Variants in PCDHGA4 observed in about 807,000 individuals in gnomAD.
PCDHGA4 encodes protocadherin gamma-A4.
A neutral mutation model predicts 54.6 loss-of-function variants in PCDHGA4; 38 were observed. That is an observed-to-expected ratio of 0.70 (90% confidence interval 0.54 to 0.91). PCDHGA4 has a LOEUF of 0.91. PCDHGA4 is among the 40% of genes least tolerant of loss of function. PCDHGA4 has a pLI of 0.00. For missense variants in PCDHGA4, 1,298 were observed against 1,220.9 expected, an observed-to-expected ratio of 1.06 and a Z score of -0.94; for synonymous variants, 511 against 512.9, an observed-to-expected ratio of 1.00 and a Z score of 0.05.
At chr5:141,383,533 C>T (rs2240698) in intron 1 of PCDHGA4, 21,821 of 1,612,448 alleles carry the variant, frequency 0.014, 752 homozygotes, top group East Asian at 0.14. Flanking sequence ...CCACCTGGTC[C>T]TCACAGCCTC....
Position 141,355,729 on chromosome 5 carries a change from T to G in PCDHGA4, c.622T>G (p.Tyr208Asp). ...LQGYQLNSNG[Y>D]FSLDVQSGAD... ...GGGTTACCAGCTCAACTCAAACGGT[T>G]ACTTTTCCCTGGACGTGCAAAGTGG... The change falls in exon 1 of 4, where the codon TAC becomes GAC. Residue 208 changes from tyrosine to aspartate, a missense_variant. Physicochemically the swap from Tyr to Asp is radical, Grantham distance 160. Transcript: ENST00000571252. 6.2e-7 allele frequency: 1 copy of G among 1,614,026 alleles called. No individual in the cohort carries two copies. The highest frequency in any genetic ancestry group is 8.5e-7 in the Non-Finnish European group (1 of 1,179,884).
intron 1 of PCDHGA4, chr5:141,357,859 C>G: frequency 1.7e-6 from 1 of 591,080 alleles, no homozygotes; most frequent in South Asian, 2.2e-5. Context: ...CCAGAATTTT[C>G]TAATTTTACA....
chr5:141,392,841 C>A (rs1464167244), intron 1 of PCDHGA4: 2 of 1,608,680 alleles, frequency 1.2e-6, no homozygotes, highest in Non-Finnish European at 1.7e-6. Flanking sequence ...TCGCCCCAGA[C>A]GCGGCGAGCT....
At chr5:141,443,126 A>G (rs972396091) in intron 1 of PCDHGA4, among the ~76,000 whole-genome samples, 1 of 152,190 alleles carries the variant, frequency 6.6e-6, no homozygotes, top group Non-Finnish European at 1.5e-5. Context: ...AACCAGATTA[A>G]GAACACTATC....
intron 1 of PCDHGA4, chr5:141,373,843 C>T (rs1769882527): frequency 2.3e-6 from 1 of 442,614 alleles, no homozygotes; most frequent in Non-Finnish European, 4.0e-6. Flanking sequence ...AGTTAGGACT[C>T]TAAGCGTCGC....
At chr5:141,362,323 G>C (rs745573123) in intron 1 of PCDHGA4, 1 of 1,614,082 alleles carries the variant, frequency 6.2e-7, no homozygotes, top group East Asian at 2.2e-5. Flanking sequence ...TTTTCAGCCT[G>C]GTCTCAGCTC....
chr5:141,423,678 G>A (rs1161093615), intron 1 of PCDHGA4: 3 of 1,496,158 alleles, frequency 2.0e-6, no homozygotes, highest in Non-Finnish European at 2.7e-6. Flanking sequence ...TTATTTCTCT[G>A]CCTCCTAATT....
chr5:141,471,394 G>A (rs1349459242), intron 1 of PCDHGA4: 1 of 152,056 alleles, frequency 6.6e-6, no homozygotes, highest in Non-Finnish European at 1.5e-5. Context: ...TACAAGTTAC[G>A]TAGCTAGGCT....
chr5:141,390,601 C>T, intron 1 of PCDHGA4: 1 of 317,490 alleles, frequency 3.1e-6, no homozygotes. Context: ...TTTTCCTATA[C>T]ATTTTCCTTC....
Position 141,505,474 on chromosome 5 carries a change from C to T in PCDHGA4, c.2655C>T (p.Ser885=), listed in dbSNP as rs751690779. The stretch of plus-strand genomic sequence containing the variant: ...TGCTGCAAGCCATGATCTTGGCGTC[C>T]GCCAGTGGTAAGTGGTGTCAGTGTG... ...TEMLQAMILA[S]ASEAADGSST... Residue 885 remains serine, a synonymous_variant, in exon 3 of 4, where the codon TCC becomes TCT. Transcript: ENST00000571252. 2.2e-5 allele frequency: 36 copies of T among 1,614,090 alleles called. No individual in the cohort carries two copies. The highest frequency in any genetic ancestry group is 5.3e-5 in the African/African-American group (4 of 74,934).
chr5:141,487,813 TG>T lies in PCDHGA4; in HGVS notation c.2515-6989del. 7.2e-7 allele frequency: 1 copy of T among 1,384,138 alleles called. No homozygotes were observed. 85.7% of individuals were successfully genotyped at this position (1,384,138 alleles called of 1,614,324 possible). A position where few individuals can be genotyped will look rare whatever the true frequency, so the allele number is the denominator to read the frequency against. On this transcript the variant is annotated intron_variant, in intron 1 of 3. Transcript: ENST00000571252. This position sits in a 1 kb window ranked among gnomAD's most constrained non-coding sequence, Gnocchi z 5.0. Reference sequence around the variant, plus strand: ...AACCAGAGTTGTCACAGTTTAGCATTGGGGGCGGGTCATGCCTATATCTGAG... The same window carrying T: ...AACCAGAGTTGTCACAGTTTAGCATTGGGGCGGGTCATGCCTATATCTGAG...
chr5:141,496,737 C>T (rs900394639), intron 2 of PCDHGA4, among the ~76,000 whole-genome samples: 9 of 152,168 alleles, frequency 5.9e-5, no homozygotes, highest in African/African-American at 2.2e-4. Context: ...TTCATTCGTT[C>T]ATTTATTCAA....
intron 1 of PCDHGA4, chr5:141,418,347 G>C: frequency 6.2e-7 from 1 of 1,614,024 alleles, no homozygotes; most frequent in Non-Finnish European, 8.5e-7. Context: ...CCTGATATTA[G>C]TATGAATTCG....
intron 1 of PCDHGA4, among the ~76,000 whole-genome samples, chr5:141,474,234 T>C (rs1458919904): frequency 6.6e-6 from 1 of 152,204 alleles, no homozygotes; most frequent in Non-Finnish European, 1.5e-5. Flanking sequence ...TAAGTGATGC[T>C]GAATAGGGGA....
chr5:141,494,756 A>G (rs780402065), intron 1 of PCDHGA4, 51 bp from the exon 2 acceptor site: 2 of 1,613,460 alleles, frequency 1.2e-6, no homozygotes, highest in South Asian at 1.1e-5. Context: ...CTCGGGTGAC[A>G]TTCTAACTTC....
chr5:141,418,126 A>G (rs2096226975), intron 1 of PCDHGA4: 3 of 1,613,994 alleles, frequency 1.9e-6, no homozygotes, highest in Non-Finnish European at 2.5e-6. Context: ...TGAAGGACCG[A>G]ATAGACCGTG....
intron 1 of PCDHGA4, chr5:141,361,437 C>T: frequency 6.2e-7 from 1 of 1,614,058 alleles, no homozygotes; most frequent in Non-Finnish European, 8.5e-7. Context: ...CCCTCTCCTC[C>T]AGCATAATTG....
rs752171326 is a variant in PCDHGA4 at position 141,395,310 on chromosome 5, A to C, written c.2514+37689A>C. The stretch of plus-strand genomic sequence containing the variant: ...TGGCATAAATTATGTTTTGAAAAAC[A>C]TTGTGAAGATAGTTGAAAATAATTT... On this transcript the variant is annotated intron_variant, in intron 1 of 3. Transcript: ENST00000571252. The C allele has an allele frequency of 3.3e-6, 5 of 1,502,410 alleles. No homozygotes were observed. In the East Asian group the frequency reaches 1.1e-4, roughly 34 times the overall value. 93.1% of individuals were successfully genotyped at this position (1,502,410 alleles called of 1,614,324 possible).
intron 1 of PCDHGA4, chr5:141,408,054 C>G (rs1561710214): frequency 1.5e-6 from 2 of 1,295,924 alleles, no homozygotes; most frequent in East Asian, 2.6e-5. Flanking sequence ...CACAGAGCCT[C>G]CCGGCTGCGC....
Sources: allele counts gnomAD v4.1 joint callset (sites outside exome capture counted in the v4.1 genomes callset), GRCh38; gene constraint gnomAD v4.1.1; non-coding constraint Gnocchi (gnomAD v3.1); transcripts MANE v1.5; gene names NCBI Gene and HGNC (gene_info 2026-07-23, HGNC 2026-07-21).